The following ADGRV1 variants were observed in gnomAD, a reference collection of about 807,000 sequenced individuals.
ADGRV1 encodes the protein G-protein coupled receptor 98.
Under a neutral mutation model 596.2 loss-of-function variants are expected in ADGRV1, and 359 were observed. The observed-to-expected ratio is 0.60, with a 90% confidence interval of 0.55 to 0.66. The LOEUF (loss-of-function observed/expected upper bound fraction) is 0.66, where lower values mean the gene tolerates loss of function less well. ADGRV1 is among the 30% of genes least tolerant of loss of function. The pLI is 0.00. For synonymous variants in ADGRV1, 2,681 were observed against 2,679.2 expected (o/e 1.00, Z -0.02); for missense variants, 7,274 against 7,575.6 (o/e 0.96, Z 1.48).
At chr5:90,897,444 T>A (rs1277833052) in intron 83 of ADGRV1, among the ~76,000 whole-genome samples, 1 of 152,188 alleles carries the variant, frequency 6.6e-6, no homozygotes, top group Non-Finnish European at 1.5e-5. Context: ...GATGTAGATA[T>A]ATGTGTGTAA....
At chr5:91,155,489 C>G (rs1023905164) in intron 89 of ADGRV1, among the ~76,000 whole-genome samples, 1 of 152,212 alleles carries the variant, frequency 6.6e-6, no homozygotes, top group Non-Finnish European at 1.5e-5. Flanking sequence ...AGCAAACACC[C>G]TCCCTTAGCT....
chr5:91,095,363 C>G (rs1256799315), intron 86 of ADGRV1, among the ~76,000 whole-genome samples: 1 of 152,058 alleles, frequency 6.6e-6, no homozygotes, highest in African/African-American at 2.4e-5. Flanking sequence ...CCACACTTGG[C>G]TAATTTTTGT....
chr5:90,704,346 T>G (rs1396897927), intron 35 of ADGRV1, 43 bp from the exon 36 acceptor site: 1 of 1,167,718 alleles, frequency 8.6e-7, no homozygotes, highest in African/African-American at 1.5e-5. Flanking sequence ...ATAGTTCATA[T>G]TCAATAACGA....
chr5:90,638,314 A>C (rs1337768517), intron 11 of ADGRV1, among the ~76,000 whole-genome samples: 1 of 152,076 alleles, frequency 6.6e-6, no homozygotes, highest in Admixed American at 6.6e-5. Context: ...CTTTATGTTC[A>C]ACAGAAGAGA....
chr5:90,653,775 A>G lies in ADGRV1; in HGVS notation c.4201A>G (p.Lys1401Glu), dbSNP rs1328724199. The G allele has an allele frequency of 6.2e-7, 1 of 1,613,426 alleles. No homozygotes were observed. Among genetic ancestry groups the G allele is most frequent in the African/African-American group, 1.3e-5 (1 of 75,058 alleles). The change falls in exon 20 of 90, where the codon AAA (lysine) becomes GAA (glutamate). Residue 1401 changes from lysine to glutamate, a missense_variant. Physicochemically the swap from Lys to Glu is moderately conservative, Grantham distance 56 (BLOSUM62 1). Around this residue, in one of 5 missense-constraint regions of ADGRV1, gnomAD observed 1,715 missense variants for 1,708.8 expected, o/e 1.00. Transcript: ENST00000405460. ...ESHVTLSLHY[K>E]TLGSNATYIA... ...CCATGTGACACTTTCCCTTCATTAT[A>G]AAACCTTGGGTTCCAATGCTACATA... is the stretch of plus-strand genomic sequence containing the variant.
Position 90,672,558 on chromosome 5 carries a change from G to A in ADGRV1, c.4765G>A (p.Gly1589Arg), listed in dbSNP as rs1004282952. 1.2e-6 allele frequency: 2 copies of A among 1,613,224 alleles called. No homozygotes were observed. Among genetic ancestry groups the A allele is most frequent in the South Asian group, 1.1e-5 (1 of 90,984 alleles). The change falls in exon 22 of 90, where the codon GGA becomes AGA. Residue 1589 changes from glycine to arginine, a missense_variant. By Grantham distance (125) the Gly-to-Arg change is moderately radical. This residue lies in a region of ADGRV1 where 3,643 missense variants were observed against 3,809.2 expected (regional missense o/e 0.96). Coordinates refer to ENST00000405460, the MANE Select transcript of ADGRV1 (RefSeq NM_032119.4). The part of the protein sequence containing the change: ...GACIPEIAEE[G>R]STISCVVERT... ...CATTCAATTTCAGATTGCAGAGGAG[G>A]GATCAACCATTTCTTGTGTGGTTGA...
intron 87 of ADGRV1, among the ~76,000 whole-genome samples, chr5:91,129,558 A>C (rs1382301409): frequency 1.3e-5 from 2 of 152,200 alleles, no homozygotes; most frequent in Non-Finnish European, 2.9e-5. Context: ...ACTGACCACT[A>C]TTCAAGTATT....
intron 83 of ADGRV1, chr5:90,931,090 G>GA (rs1775208713): frequency 1.3e-5 from 2 of 152,236 alleles, no homozygotes; most frequent in African/African-American, 2.4e-5. Flanking sequence ...AGAGAGAGAG[G>GA]AGGGAGAAGG....
intron 85 of ADGRV1, among the ~76,000 whole-genome samples, chr5:91,029,842 C>T (rs1784331989): frequency 6.6e-6 from 1 of 151,918 alleles, no homozygotes; most frequent in Non-Finnish European, 1.5e-5. Context: ...CCAATATTTT[C>T]CTTAACTCTT....
At chr5:90,982,681 C>A (rs1285921369) in intron 84 of ADGRV1, among the ~76,000 whole-genome samples, 3 of 152,218 alleles carry the variant, frequency 2.0e-5, no homozygotes, top group African/African-American at 7.2e-5. Context: ...TGTCCACTTA[C>A]TTCAGTCGAC....
chr5:90,707,577 T>C (rs567725767), intron 38 of ADGRV1, among the ~76,000 whole-genome samples: 2 of 152,306 alleles, frequency 1.3e-5, no homozygotes, highest in South Asian at 4.1e-4. Flanking sequence ...TTAAAGGTAA[T>C]ATTATGTCAG....
At chr5:90,849,118 GA>G (rs71964707) in intron 79 of ADGRV1, among the ~76,000 whole-genome samples, 7 of 150,464 alleles carry the variant, frequency 4.7e-5, no homozygotes, top group South Asian at 2.1e-4. Flanking sequence ...ATTCTGAATA[GA>G]AAAAAAAAGA....
chr5:90,912,725 C>T (rs1467943219), intron 83 of ADGRV1, among the ~76,000 whole-genome samples: 3 of 152,116 alleles, frequency 2.0e-5, no homozygotes, highest in African/African-American at 4.8e-5. Context: ...CAGCAGCATC[C>T]GTGTTCCTGG....
In ADGRV1 at chr5:90,676,109, A is replaced by G; in HGVS notation, c.5343A>G (p.Pro1781=). The change falls in exon 25 of 90, where the codon CCA becomes CCG. Residue 1781 remains proline, a synonymous_variant. Transcript: ENST00000405460. ...QNVAGTLEFQ[P]GERYKYIFIN... The stretch of plus-strand genomic sequence containing the variant: ...TTGCTGGCACATTAGAATTTCAACC[A>G]GGAGAAAGATATAAATACATTTTCA... 1 of 1,603,572 alleles carries G rather than the reference A, an allele frequency of 6.2e-7. No homozygotes were observed. Among genetic ancestry groups the G allele is most frequent in the Non-Finnish European group, 8.5e-7 (1 of 1,173,788 alleles).
At position 90,652,542 on chromosome 5, in the gene ADGRV1, C is replaced by T. The variant is rs1477364368; in HGVS notation, c.3613C>T (p.Leu1205=). 2.5e-6 allele frequency: 4 copies of T among 1,607,410 alleles called. No homozygotes were observed. The highest frequency in any genetic ancestry group is 1.7e-5 in the Admixed American group (1 of 59,632). Residue 1205 remains leucine (L), a synonymous_variant, in exon 19 of 90, where the codon CTA becomes TTA. Coordinates refer to ENST00000405460, the MANE Select transcript of ADGRV1 (RefSeq NM_032119.4). The part of the protein sequence containing the change: ...KIPEFNEFYF[L]KLVNISGGSP... ...TCCTGAATTCAATGAATTTTATTTCCTAAAACTTGTAAACATTTCAGGTAC... is the reference window on the plus strand; with the variant it reads ...TCCTGAATTCAATGAATTTTATTTCTTAAAACTTGTAAACATTTCAGGTAC...
chr5:91,153,857 A>G (rs917787441), intron 89 of ADGRV1, among the ~76,000 whole-genome samples: 2 of 152,134 alleles, frequency 1.3e-5, no homozygotes, highest in African/African-American at 2.4e-5. Flanking sequence ...TGACCCTCCT[A>G]TTTACTCAGT....
At chr5:90,590,666 G>T (rs1426959369) in intron 1 of ADGRV1, among the ~76,000 whole-genome samples, 2 of 152,150 alleles carry the variant, frequency 1.3e-5, no homozygotes, top group African/African-American at 4.8e-5. Flanking sequence ...AAGGGGAGAG[G>T]ACTTAGACTC....
chr5:90,697,667 C>A (rs868758899), intron 34 of ADGRV1, among the ~76,000 whole-genome samples: 2 of 151,912 alleles, frequency 1.3e-5, no homozygotes, highest in Non-Finnish European at 2.9e-5. Flanking sequence ...TATAAAATTT[C>A]TTTTTTTCCT....
chr5:91,103,713 A>T (rs185718309), intron 87 of ADGRV1, among the ~76,000 whole-genome samples: 68 of 152,258 alleles, frequency 4.5e-4, no homozygotes, highest in African/African-American at 1.5e-3. Context: ...CAGTATTTGC[A>T]TGGCAGCAAT....
Sources: allele counts gnomAD v4.1 joint callset (sites outside exome capture counted in the v4.1 genomes callset), GRCh38; gene constraint gnomAD v4.1.1; regional missense constraint gnomAD v4.1.1; transcripts MANE v1.5; gene names NCBI Gene and HGNC (gene_info 2026-07-23, HGNC 2026-07-21).